ARHGAP6: variants seen among roughly 807,000 people sequenced by gnomAD.
ARHGAP6 encodes rho GTPase-activating protein 6.
In ARHGAP6, 16 loss-of-function variants were observed where a neutral mutation model predicts 55.7. That is an observed-to-expected ratio of 0.29 (90% CI 0.19 to 0.44). ARHGAP6 has a LOEUF of 0.44. ARHGAP6 is among the 20% of genes least tolerant of loss of function. The probability of loss-of-function intolerance (pLI) is 1.00; values close to 1 mark genes in which losing one functional copy is unlikely to be tolerated. For missense variants in ARHGAP6, 698 were observed against 808.9 expected (o/e 0.86, Z 1.66); for synonymous variants, 382 against 360.9 (o/e 1.06, Z -0.66).
At chrX:11,362,542 T>C (rs986464298) in intron 1 of ARHGAP6, among the ~76,000 whole-genome samples, 1 of 109,441 alleles carries the variant, frequency 9.1e-6, no homozygotes. Context: ...CATTAGGAGA[T>C]ATACCTAATG....
intron 2 of ARHGAP6, among the ~76,000 whole-genome samples, chrX:11,234,388 C>T (rs753594902): frequency 1.8e-5 from 2 of 112,319 alleles, no homozygotes; most frequent in South Asian, 7.4e-4. Flanking sequence ...TTTCCTACTG[C>T]CCTTGTTATG....
At position 11,586,262 on chromosome X, in the gene ARHGAP6, A is replaced by G. The variant is rs2051732925; in HGVS notation, c.588+77979T>C. Among the ~76,000 whole-genome samples the G allele has an allele frequency of 3.6e-5, 4 of 112,034 alleles. No individual in the cohort carries two copies. In the Admixed American group the frequency reaches 3.8e-4, roughly 11 times the overall value. On this transcript the variant is annotated intron_variant, in intron 1 of 12. Transcript: ENST00000337414. ...AATATTTGCCCATTCCTATTTCCAG[A>G]ATGGTATTGCCTAGGTTGTCTTCCA...
intron 1 of ARHGAP6, among the ~76,000 whole-genome samples, chrX:11,542,591 A>G (rs779966042): frequency 1.8e-5 from 2 of 111,365 alleles, no homozygotes; most frequent in South Asian, 3.8e-4. Flanking sequence ...GGAAGAAACC[A>G]TCTATGGTTT....
At chrX:11,308,822 T>G (rs58112116) in intron 1 of ARHGAP6, among the ~76,000 whole-genome samples, 29,125 of 111,465 alleles carry the variant, frequency 0.26, 3,121 homozygotes, top group African/African-American at 0.39. Flanking sequence ...TCCATTGATT[T>G]TCAAATACTG....
chrX:11,292,236 A>G (rs773210099), intron 1 of ARHGAP6, among the ~76,000 whole-genome samples: 23 of 112,119 alleles, frequency 2.1e-4, no homozygotes, highest in African/African-American at 6.2e-4. Context: ...GATATTCAGT[A>G]TCTCCTTTAT....
intron 1 of ARHGAP6, among the ~76,000 whole-genome samples, chrX:11,417,105 T>TACAC (rs1556012597): frequency 2.6e-5 from 2 of 75,865 alleles, no homozygotes; most frequent in African/African-American, 1.1e-4. Flanking sequence ...TATATATATA[T>TACAC]ACACATACAT....
At chrX:11,606,857 A>G (rs994254788) in intron 1 of ARHGAP6, among the ~76,000 whole-genome samples, 24 of 112,152 alleles carry the variant, frequency 2.1e-4, no homozygotes, top group Admixed American at 8.5e-4. Flanking sequence ...ACCACTTCAC[A>G]AAACATAAAT....
chrX:11,539,849 T>C (rs1264847955), intron 1 of ARHGAP6, among the ~76,000 whole-genome samples: 1 of 111,781 alleles, frequency 8.9e-6, no homozygotes, highest in Non-Finnish European at 1.9e-5. Context: ...TTTGAACCTA[T>C]TTAGAATGAA....
intron 1 of ARHGAP6, among the ~76,000 whole-genome samples, chrX:11,441,957 G>A (rs757281075): frequency 3.9e-4 from 42 of 108,140 alleles, no homozygotes; most frequent in Admixed American, 1.4e-3. Context: ...ACACATATAC[G>A]TAACATATAC....
intron 1 of ARHGAP6, among the ~76,000 whole-genome samples, chrX:11,614,558 G>A (rs1208248123): frequency 9.0e-6 from 1 of 111,637 alleles, no homozygotes; most frequent in East Asian, 2.8e-4. Flanking sequence ...TGATCCAATC[G>A]CTTTCCACCA....
intron 2 of ARHGAP6, among the ~76,000 whole-genome samples, chrX:11,227,805 T>C (rs998912208): frequency 3.7e-4 from 41 of 110,229 alleles, no homozygotes; most frequent in African/African-American, 1.3e-3. Flanking sequence ...TTTTTCTTTT[T>C]TTTTTTTTGA....
At chrX:11,345,098 A>C (rs923028042) in intron 1 of ARHGAP6, among the ~76,000 whole-genome samples, 1 of 112,456 alleles carries the variant, frequency 8.9e-6, no homozygotes, top group Non-Finnish European at 1.9e-5. Flanking sequence ...CCCATTCCCA[A>C]TAGGAAAGAG....
At position 11,169,566 on chromosome X, in the gene ARHGAP6, T is replaced by C. The variant is rs1401144802; in HGVS notation, c.1748A>G (p.Glu583Gly). The change falls in exon 9 of 13, where the codon GAG becomes GGG. Residue 583 changes from glutamate to glycine, a missense_variant. Glu to Gly is a moderately conservative substitution (Grantham distance 98, BLOSUM62 -2). Coordinates refer to ENST00000337414, the MANE Select transcript of ARHGAP6 (RefSeq NM_013427.3). ...FSVQSSARAE[E>G]STAIIAVVQK... ...CACAACAGCGATGATGGCCGTGCTC[T>C]CCTCAGCCCGGGCTGAACTCTGAAC... The C allele has an allele frequency of 8.3e-7, 1 of 1,207,572 alleles. No individual in the cohort carries two copies.
At chrX:11,450,505 G>A (rs1333236445) in intron 1 of ARHGAP6, among the ~76,000 whole-genome samples, 1 of 111,799 alleles carries the variant, frequency 8.9e-6, no homozygotes, top group Non-Finnish European at 1.9e-5. Context: ...TGTGAGATGA[G>A]CCCTTCACTG....
At chrX:11,434,154 C>A (rs992757967) in intron 1 of ARHGAP6, among the ~76,000 whole-genome samples, 1 of 112,180 alleles carries the variant, frequency 8.9e-6, no homozygotes, top group African/African-American at 3.2e-5. Context: ...TCCTGCACTG[C>A]ACAGGACGGC....
At chrX:11,241,571 T>TGTGCGC (rs1555975315) in intron 2 of ARHGAP6, among the ~76,000 whole-genome samples, 156 of 101,981 alleles carry the variant, frequency 1.5e-3, no homozygotes, top group Middle Eastern at 5.1e-3. Flanking sequence ...TGTGTGTGTG[T>TGTGCGC]GTGCGCGTGT....
intron 3 of ARHGAP6, among the ~76,000 whole-genome samples, chrX:11,190,264 G>A (rs1055260863): frequency 9.0e-6 from 1 of 110,830 alleles, no homozygotes; most frequent in South Asian, 3.8e-4. Context: ...ATTTTCAGAG[G>A]ATGCTTGCCA....
At chrX:11,465,634 T>G (rs778347524) in intron 1 of ARHGAP6, among the ~76,000 whole-genome samples, 2 of 112,430 alleles carry the variant, frequency 1.8e-5, no homozygotes, top group South Asian at 7.3e-4. Context: ...CTTCATAAAA[T>G]ATATGATTGC....
chrX:11,505,967 T>C (rs1001938077), intron 1 of ARHGAP6, among the ~76,000 whole-genome samples: 2 of 111,144 alleles, frequency 1.8e-5, no homozygotes, highest in African/African-American at 6.6e-5. Flanking sequence ...GATGGAATAG[T>C]CTGTACAACA....
Sources: gnomAD v4.1 joint callset for allele counts (sites outside exome capture counted in the v4.1 genomes callset) on GRCh38, gnomAD v4.1.1 for gene constraint, MANE v1.5 for transcripts, NCBI Gene and HGNC (gene_info 2026-07-23, HGNC 2026-07-21) for gene names.